Variants in ARSB observed in about 807,000 individuals in gnomAD.
The protein encoded by ARSB is N-acetylgalactosamine-4-sulfatase.
Under a neutral mutation model 50.9 loss-of-function variants are expected in ARSB, and 41 were observed. That is an observed-to-expected ratio of 0.81 (90% confidence interval 0.63 to 1.04). The LOEUF (loss-of-function observed/expected upper bound fraction) is 1.04. Ranked by LOEUF, ARSB falls within the 50% of genes least tolerant of loss-of-function variation. The pLI is 0.00. For synonymous variants in ARSB, 269 were observed against 284.8 expected (o/e 0.94, Z 0.56); for missense variants, 672 against 693.3 (o/e 0.97, Z 0.35).
At chr5:78,983,580 T>C (rs964879728) in intron 1 of ARSB, among the ~76,000 whole-genome samples, 8 of 152,152 alleles carry the variant, frequency 5.3e-5, no homozygotes, top group African/African-American at 1.7e-4. Context: ...ATTTACACAA[T>C]GTAGGGGATT....
intron 7 of ARSB, among the ~76,000 whole-genome samples, chr5:78,781,323 CTTTTTTTTTTTTTT>C (rs376851173): frequency 2.7e-5 from 2 of 75,320 alleles, no homozygotes; most frequent in African/African-American, 5.9e-5. Context: ...CTCTCTCTCT[CTTTTTTTTTTTTTT>C]TTTTTTTTTT....
intron 6 of ARSB, among the ~76,000 whole-genome samples, chr5:78,796,865 GA>G (rs1264321012): frequency 6.7e-6 from 1 of 148,726 alleles, no homozygotes. Flanking sequence ...TGTTGGCCAG[GA>G]TGGTCTCGAT....
At chr5:78,885,414 T>C (rs1038479341) in intron 5 of ARSB, 170 bp downstream of exon 5, 2 of 946,832 alleles carry the variant, frequency 2.1e-6, no homozygotes, top group Non-Finnish European at 2.9e-6. Context: ...AATTTATAAT[T>C]TAAAAATATA....
intron 6 of ARSB, among the ~76,000 whole-genome samples, chr5:78,784,343 C>T (rs1263534246): frequency 2.6e-5 from 4 of 152,118 alleles, no homozygotes; most frequent in African/African-American, 7.2e-5. Context: ...GAAAGGAAAT[C>T]GGTATACTAA....
intron 4 of ARSB, among the ~76,000 whole-genome samples, chr5:78,911,478 G>C (rs1455869342): frequency 6.7e-6 from 1 of 149,514 alleles, no homozygotes; most frequent in African/African-American, 2.5e-5. Flanking sequence ...GGAGGCTGAG[G>C]CACTAGAATC....
At chr5:78,822,233 G>A in intron 6 of ARSB, among the ~76,000 whole-genome samples, 1 of 152,182 alleles carries the variant, frequency 6.6e-6, no homozygotes, top group Non-Finnish European at 1.5e-5. Flanking sequence ...AATAAAGTTT[G>A]AGGAATAACA....
chr5:78,968,718 G>GT (rs1194792235), intron 2 of ARSB, among the ~76,000 whole-genome samples: 1 of 152,020 alleles, frequency 6.6e-6, no homozygotes, highest in Non-Finnish European at 1.5e-5. Context: ...TCCCTTTTTG[G>GT]TAATAAGGGT....
chr5:78,783,251 T>C (rs1748976869), intron 6 of ARSB: 1 of 152,234 alleles, frequency 6.6e-6, no homozygotes, highest in Non-Finnish European at 1.5e-5. Context: ...TAGACTCCAT[T>C]GGAGTGGTTA....
intron 1 of ARSB, among the ~76,000 whole-genome samples, chr5:78,982,825 G>C (rs962754453): frequency 1.3e-5 from 2 of 152,136 alleles, no homozygotes; most frequent in Non-Finnish European, 2.9e-5. Flanking sequence ...AGAATAAAGT[G>C]GGTGAGAAAA....
At chr5:78,797,153 C>T (rs1338834081) in intron 6 of ARSB, among the ~76,000 whole-genome samples, 1 of 152,196 alleles carries the variant, frequency 6.6e-6, no homozygotes, top group Admixed American at 6.5e-5. Flanking sequence ...GCTGGGATTA[C>T]AGGCGTGAGC....
chr5:78,850,329 G>C (rs1230613545), intron 5 of ARSB, among the ~76,000 whole-genome samples: 1 of 152,198 alleles, frequency 6.6e-6, no homozygotes, highest in African/African-American at 2.4e-5. Context: ...TGTGGTTTTT[G>C]TCTTTGGTTC....
rs1561482540 is a variant in ARSB at position 78,885,751 on chromosome 5, GC to G, written c.974del (p.Gly325AlafsTer13). On this transcript the variant is annotated frameshift_variant, in exon 5 of 8. Coordinates refer to ENST00000264914, the MANE Select transcript of ARSB (RefSeq NM_000046.5). LOFTEE classifies it high-confidence loss of function. ...RGRKWSLWEG[G>X]VRGVGFVASP... ...TTGCCACAAAGCCCACCCCTCGGACGCCTCCTTCCCACAGGCTCCATTTTCT... is the reference window on the plus strand; with the variant it reads ...TTGCCACAAAGCCCACCCCTCGGACGCTCCTTCCCACAGGCTCCATTTTCT... 1 of 1,614,042 alleles carries G rather than the reference GC, an allele frequency of 6.2e-7. No homozygotes were observed. Among genetic ancestry groups the G allele is most frequent in the African/African-American group, 1.3e-5 (1 of 75,008 alleles).
intron 1 of ARSB, among the ~76,000 whole-genome samples, chr5:78,976,717 T>C (rs4704542): frequency 0.16 from 24,831 of 152,294 alleles, 2,194 homozygotes; most frequent in Admixed American, 0.27. Flanking sequence ...CCTTAAAATA[T>C]GCCCATTTAG....
intron 4 of ARSB, among the ~76,000 whole-genome samples, chr5:78,905,408 C>A (rs980767611): frequency 1.5e-5 from 2 of 130,724 alleles, no homozygotes; most frequent in Non-Finnish European, 3.1e-5. Flanking sequence ...ATACCATGTT[C>A]TGAGCCTCTA....
At chr5:78,923,014 G>C (rs1417488696) in intron 4 of ARSB, among the ~76,000 whole-genome samples, 1 of 152,174 alleles carries the variant, frequency 6.6e-6, no homozygotes, top group Admixed American at 6.5e-5. Context: ...ATAAGGAAAC[G>C]CTTTTTGAAA....
At chr5:78,864,851 T>A (rs1399543770) in intron 5 of ARSB, among the ~76,000 whole-genome samples, 1 of 152,168 alleles carries the variant, frequency 6.6e-6, no homozygotes, top group Non-Finnish European at 1.5e-5. Context: ...CAAAATCCAG[T>A]GGGGCAGTCA....
At position 78,779,425 on chromosome 5, in the gene ARSB, A is replaced by C. The variant is rs1277985573; in HGVS notation, c.*972T>G. ...AGTGCAAGTCTTAATATATTATGAA[A>C]TAAAGCTACAATCACAATGACTAAC... On this transcript the variant is annotated 3_prime_UTR_variant, in exon 8 of 8. Transcript: ENST00000264914. The C allele has an allele frequency of 6.6e-6, 1 of 152,192 alleles. No homozygotes were observed. The highest frequency in any genetic ancestry group is 2.4e-5 in the African/African-American group (1 of 41,438). The allele number at this position is 152,192 out of a possible 1,614,324, so 9.4% of individuals were successfully genotyped here.
Position 78,969,197 on chromosome 5 carries a change from C to G in ARSB, c.313-5G>C. The G allele has an allele frequency of 6.2e-7, 1 of 1,613,806 alleles. No individual in the cohort carries two copies. The highest frequency in any genetic ancestry group is 8.5e-7 in the Non-Finnish European group (1 of 1,179,806). The stretch of plus-strand genomic sequence containing the variant: ...GTGCTGTAAACCTGTACGGATCTTA[C>G]AGAGATAAACATAAAATTATAGATT... On this transcript the variant is annotated splice_region_variant and splice_polypyrimidine_tract_variant and intron_variant, in intron 1 of 7. Coordinates refer to ENST00000264914, the MANE Select transcript of ARSB (RefSeq NM_000046.5).
At chr5:78,892,783 G>A (rs992266729) in intron 4 of ARSB, among the ~76,000 whole-genome samples, 8 of 152,136 alleles carry the variant, frequency 5.3e-5, no homozygotes, top group African/African-American at 1.9e-4. Context: ...TTATTCGTAG[G>A]GGTTTAAAAT....
Sources: gnomAD v4.1 joint callset for allele counts (sites outside exome capture counted in the v4.1 genomes callset) on GRCh38, gnomAD v4.1.1 for gene constraint, MANE v1.5 for transcripts, NCBI Gene and HGNC (gene_info 2026-07-23, HGNC 2026-07-21) for gene names.